The following RBM6 variants were observed in gnomAD, a reference collection of about 807,000 sequenced individuals.
The protein encoded by RBM6 is RNA binding motif protein 6, also known as RNA-binding protein 6.
Under a neutral mutation model 140.4 loss-of-function variants are expected in RBM6, and 23 were observed. The observed-to-expected ratio is 0.16, with a 90% CI of 0.12 to 0.23. RBM6 has a LOEUF of 0.23. RBM6 is among the 10% of genes least tolerant of loss of function. RBM6 has a pLI of 1.00. For synonymous variants in RBM6, 439 were observed against 475.6 expected (o/e 0.92, Z 1.00); for missense variants, 1,139 against 1,386.7 (o/e 0.82, Z 2.84).
chr3:49,999,794 G>A (rs2086243408), intron 6 of RBM6, among the ~76,000 whole-genome samples: 1 of 151,538 alleles, frequency 6.6e-6, no homozygotes. Context: ...GACACATCTG[G>A]AGTGTTTCCT....
At chr3:49,957,925 G>A (rs1010033110) in intron 1 of RBM6, among the ~76,000 whole-genome samples, 1 of 150,930 alleles carries the variant, frequency 6.6e-6, no homozygotes, top group Non-Finnish European at 1.5e-5. Context: ...TCTGCCTCCC[G>A]GGTTCAAAAG....
chr3:50,012,223 A>AT (rs1328492829), intron 6 of RBM6, among the ~76,000 whole-genome samples: 3 of 151,232 alleles, frequency 2.0e-5, no homozygotes, highest in Non-Finnish European at 2.9e-5. Context: ...TTTAATTTTT[A>AT]TTTTTTTTAG....
chr3:50,061,222 G>A lies in RBM6; in HGVS notation c.2353+1G>A. 6.2e-7 allele frequency: 1 copy of A among 1,614,094 alleles called. No homozygotes were observed. Among genetic ancestry groups the A allele is most frequent in the South Asian group, 1.1e-5 (1 of 91,050 alleles). ...GATACAAATCGACAAGGACAACAGTGTAAGTAACCTTTGTTTTATTTCTGT... is the reference window on the plus strand; with the variant it reads ...GATACAAATCGACAAGGACAACAGTATAAGTAACCTTTGTTTTATTTCTGT... On this transcript the variant is annotated splice_donor_variant, in intron 13 of 20. Transcript: ENST00000266022. LOFTEE classifies it high-confidence loss of function.
chr3:50,060,212 A>G (rs891443140), intron 11 of RBM6, among the ~76,000 whole-genome samples: 2 of 152,206 alleles, frequency 1.3e-5, no homozygotes, highest in Non-Finnish European at 2.9e-5. Context: ...ATGTCAATAC[A>G]TTCTTGCCCC....
chr3:50,054,500 C>A, intron 8 of RBM6, 105 bp downstream of exon 8: 40 of 956,708 alleles, frequency 4.2e-5, no homozygotes, highest in Non-Finnish European at 6.2e-5. Flanking sequence ...CCAAGTTGAT[C>A]TACAAACCTT....
At chr3:49,954,939 T>A in intron 1 of RBM6, among the ~76,000 whole-genome samples, 1 of 151,918 alleles carries the variant, frequency 6.6e-6, no homozygotes, top group East Asian at 1.9e-4. Context: ...TTTTGTATTT[T>A]AAGTAGAGAC....
intron 5 of RBM6, among the ~76,000 whole-genome samples, chr3:49,982,869 G>T (rs2085376314): frequency 6.6e-6 from 1 of 150,804 alleles, no homozygotes; most frequent in African/African-American, 2.4e-5. Flanking sequence ...CTGCCATCGT[G>T]CCCAGCTAAT....
chr3:49,992,917 A>G (rs1478934914), intron 5 of RBM6, among the ~76,000 whole-genome samples: 1 of 152,214 alleles, frequency 6.6e-6, no homozygotes, highest in East Asian at 1.9e-4. Flanking sequence ...GCAGATTTGC[A>G]AAGGTTCTCT....
intron 6 of RBM6, among the ~76,000 whole-genome samples, chr3:50,001,849 T>C (rs1326293129): frequency 6.6e-6 from 1 of 152,226 alleles, no homozygotes; most frequent in African/African-American, 2.4e-5. Context: ...TAATAGCTGA[T>C]AGCTGAGTGC....
chr3:49,999,195 G>C (rs1462849204), intron 5 of RBM6, among the ~76,000 whole-genome samples: 3 of 152,030 alleles, frequency 2.0e-5, no homozygotes, highest in African/African-American at 7.2e-5. Flanking sequence ...TGCTAAAGAG[G>C]GCAAAGGATC....
At chr3:50,029,422 A>G (rs1328125050) in intron 6 of RBM6, among the ~76,000 whole-genome samples, 1 of 152,182 alleles carries the variant, frequency 6.6e-6, no homozygotes, top group Non-Finnish European at 1.5e-5. Context: ...GGCAGAATCA[A>G]AGGCCACTCA....
chr3:50,020,870 T>C (rs1269644733), intron 6 of RBM6, among the ~76,000 whole-genome samples: 6 of 152,190 alleles, frequency 3.9e-5, no homozygotes, highest in Non-Finnish European at 8.8e-5. Flanking sequence ...CCATCATATA[T>C]GCAAGCCCAT....
chr3:50,001,313 T>C (rs747673349), intron 6 of RBM6, among the ~76,000 whole-genome samples: 9 of 151,528 alleles, frequency 5.9e-5, no homozygotes, highest in Non-Finnish European at 1.3e-4. Flanking sequence ...AAAATAAAAG[T>C]GAAAAAATTA....
chr3:49,962,941 A>G, intron 2 of RBM6: 1 of 266,806 alleles, frequency 3.7e-6, no homozygotes, highest in Non-Finnish European at 7.0e-6. Flanking sequence ...ACTAAAAAAT[A>G]CAAAAAAAAC....
chr3:50,033,629 G>A (rs1575755897), intron 6 of RBM6, among the ~76,000 whole-genome samples: 1 of 152,068 alleles, frequency 6.6e-6, no homozygotes. Flanking sequence ...TGCCTGAGCA[G>A]CTTTGGATAT....
At chr3:49,955,121 T>G (rs1007148449) in intron 1 of RBM6, among the ~76,000 whole-genome samples, 7 of 151,702 alleles carry the variant, frequency 4.6e-5, no homozygotes, top group African/African-American at 1.7e-4. Context: ...CATAGCTACT[T>G]TATTTATTCT....
At chr3:50,026,901 CAAAAAAAAAAA>C (rs139771207) in intron 6 of RBM6, among the ~76,000 whole-genome samples, 69,881 of 120,196 alleles carry the variant, frequency 0.58, 18,184 homozygotes, top group East Asian at 0.87. Context: ...CTTGTCTCAC[CAAAAAAAAAAA>C]AAAAAAAAAA....
At chr3:49,960,941 ACT>A (rs917298318) in intron 1 of RBM6, among the ~76,000 whole-genome samples, 3 of 134,508 alleles carry the variant, frequency 2.2e-5, no homozygotes, top group Non-Finnish European at 3.1e-5. Context: ...AGACAGCCTC[ACT>A]CTGTTTCCTG....
chr3:49,989,966 C>T (rs1044393397), intron 5 of RBM6, among the ~76,000 whole-genome samples: 44 of 152,078 alleles, frequency 2.9e-4, no homozygotes, highest in African/African-American at 1.0e-3. Flanking sequence ...ACGCTGGTCT[C>T]GAACTCCTGA....
Sources: allele counts gnomAD v4.1 joint callset (sites outside exome capture counted in the v4.1 genomes callset), GRCh38; gene constraint gnomAD v4.1.1; transcripts MANE v1.5; gene names NCBI Gene and HGNC (gene_info 2026-07-23, HGNC 2026-07-21).